The following PDE1C variants were observed in gnomAD, a reference collection of about 807,000 sequenced individuals.
PDE1C encodes the protein phosphodiesterase 1C.
Under a neutral mutation model 93.1 loss-of-function variants are expected in PDE1C, and 62 were observed. The ratio of observed to expected loss-of-function variants is 0.67; its 90% CI spans 0.54 to 0.82. The LOEUF is 0.82. Among genes scored for constraint, PDE1C ranks in the 40% least tolerant of loss-of-function variants. The pLI is 0.00. For missense variants in PDE1C, 742 were observed against 884.6 expected (o/e 0.84, Z 2.04); for synonymous variants, 325 against 310.1 (o/e 1.05, Z -0.50).
At chr7:32,289,751 T>A (rs1267316982) in intron 1 of PDE1C, among the ~76,000 whole-genome samples, 1 of 152,206 alleles carries the variant, frequency 6.6e-6, no homozygotes, top group Non-Finnish European at 1.5e-5. Flanking sequence ...AGACTATCTA[T>A]AATGCTGGTG....
chr7:32,297,959 C>A (rs4723143), intron 1 of PDE1C, among the ~76,000 whole-genome samples: 2,358 of 10,290 alleles, frequency 0.23, 50 homozygotes, highest in Non-Finnish European at 0.35. Flanking sequence ...TGTTCAATCT[C>A]TCTCTCTCTC....
rs533941168 is a variant in PDE1C at position 31,998,209 on chromosome 7, C to T, written c.128+53345G>A. Among the ~76,000 whole-genome samples the T allele has an allele frequency of 1.8e-4, 28 of 151,992 alleles. No homozygotes were observed. In the South Asian group the frequency reaches 5.0e-3, roughly 27 times the overall value. On this transcript the variant is annotated intron_variant, in intron 2 of 17. Transcript: ENST00000396191. Reference sequence around the variant, plus strand: ...TAATTTTTTGTATTTTTAGTAGAGACAGGGTTTCACCATGTTAGCCAGGAT... The same window carrying T: ...TAATTTTTTGTATTTTTAGTAGAGATAGGGTTTCACCATGTTAGCCAGGAT...
At chr7:32,305,737 G>C (rs536587149) in intron 1 of PDE1C, among the ~76,000 whole-genome samples, 1 of 152,194 alleles carries the variant, frequency 6.6e-6, no homozygotes, top group Non-Finnish European at 1.5e-5. Context: ...AACTCACTAG[G>C]GCAAGAGTCT....
intron 1 of PDE1C, 83 bp downstream of exon 1, chr7:32,070,210 G>A (rs1795866842): frequency 6.3e-7 from 1 of 1,595,184 alleles, no homozygotes; most frequent in Admixed American, 1.7e-5. Flanking sequence ...CAGGAACAGG[G>A]TGAGCAGTCG....
chr7:32,113,980 G>C (rs1798833360), intron 3 of PDE1C, among the ~76,000 whole-genome samples: 1 of 152,138 alleles, frequency 6.6e-6, no homozygotes, highest in South Asian at 2.1e-4. Flanking sequence ...AAATAAGAGA[G>C]GACACGAACA....
the PDE1C span, among the ~76,000 whole-genome samples, chr7:31,646,896 T>C: frequency 2.0e-5 from 3 of 152,240 alleles, no homozygotes; most frequent in Non-Finnish European, 4.4e-5. Flanking sequence ...GGTACTTTTA[T>C]ATCCAGTTGA....
chr7:31,861,354 T>C (rs763719650), intron 7 of PDE1C, among the ~76,000 whole-genome samples: 1 of 152,160 alleles, frequency 6.6e-6, no homozygotes, highest in Non-Finnish European at 1.5e-5. Context: ...ATTCACTCTG[T>C]CTTTAGATAA....
intron 2 of PDE1C, among the ~76,000 whole-genome samples, chr7:31,972,483 A>C (rs971086819): frequency 6.6e-6 from 1 of 152,172 alleles, no homozygotes; most frequent in African/African-American, 2.4e-5. Context: ...GTAAAATTTG[A>C]GGTAATTCTT....
At chr7:32,064,887 C>G (rs1030599497) in intron 1 of PDE1C, among the ~76,000 whole-genome samples, 26 of 152,122 alleles carry the variant, frequency 1.7e-4, no homozygotes, top group African/African-American at 6.0e-4. Flanking sequence ...CCTCTCATGA[C>G]TACACTTCTA....
chr7:32,166,008 T>C (rs572421223), intron 3 of PDE1C, among the ~76,000 whole-genome samples: 3 of 149,166 alleles, frequency 2.0e-5, no homozygotes, highest in Non-Finnish European at 4.4e-5. Context: ...ACTCTTCAAA[T>C]CCAACCTCAG....
chr7:32,132,296 C>T lies in PDE1C; in HGVS notation c.308+37489G>A, dbSNP rs995743456. Among the ~76,000 whole-genome samples, 5 of 152,114 alleles carry T rather than the reference C, an allele frequency of 3.3e-5. No homozygotes were observed. The East Asian group carries it at 7.8e-4, about 24-fold the overall frequency. The stretch of plus-strand genomic sequence containing the variant: ...CTAGGTCAAGGTGAGGAGAAAAGAC[C>T]CTTTTATAAGCAAAATGGGAAGCCA... On this transcript the variant is annotated intron_variant, in intron 3 of 18. Transcript: ENST00000396193.
At chr7:32,171,096 C>T (rs540689812) in intron 2 of PDE1C, among the ~76,000 whole-genome samples, 1 of 152,186 alleles carries the variant, frequency 6.6e-6, no homozygotes, top group South Asian at 2.1e-4. Flanking sequence ...ACCAGTGCTT[C>T]CCCAGATGGC....
rs964987801 is a variant in PDE1C at position 31,751,518 on chromosome 7, G to C, written c.*1866C>G. On this transcript the variant is annotated 3_prime_UTR_variant, in exon 18 of 18. Coordinates refer to ENST00000396191, the MANE Select transcript of PDE1C (RefSeq NM_001191057.4). ...CTCCCATGGGCCTCCTCAGTGTGTA[G>C]CCAAATGACTTTGTACAGCAAGCGC... The C allele has an allele frequency of 6.6e-6, 1 of 152,112 alleles. No homozygotes were observed. Among genetic ancestry groups the C allele is most frequent in the African/African-American group, 2.4e-5 (1 of 41,404 alleles). 9.4% of individuals were successfully genotyped at this position (152,112 alleles called of 1,614,324 possible).
chr7:31,789,483 T>G, intron 16 of PDE1C: 1 of 222,852 alleles, frequency 4.5e-6, no homozygotes, highest in Non-Finnish European at 7.5e-6. Context: ...TAGTTATCAA[T>G]GCTACCAGTG....
chr7:31,747,757 GA>G (rs771583699), downstream of PDE1C, among the ~76,000 whole-genome samples: 27 of 150,398 alleles, frequency 1.8e-4, no homozygotes, highest in Non-Finnish European at 3.2e-4. Flanking sequence ...TAAGGGTGTG[GA>G]AAATGGCCCT....
intron 2 of PDE1C, among the ~76,000 whole-genome samples, chr7:32,189,099 C>G (rs2128819336): frequency 6.6e-6 from 1 of 152,290 alleles, no homozygotes; most frequent in South Asian, 2.1e-4. Context: ...TTTAGAAATT[C>G]ATCTGGTGCA....
chr7:31,707,236 G>A, the PDE1C span: 1 of 1,614,054 alleles, frequency 6.2e-7, no homozygotes, highest in Non-Finnish European at 8.5e-7. Flanking sequence ...GAGACCCAAA[G>A]CAATCGTGGA....
rs1442508353 is a variant in PDE1C at position 32,267,586 on chromosome 7, A to ACACTCT, written c.85+31064_85+31065insAGAGTG. Among the ~76,000 whole-genome samples the ACACTCT allele has an allele frequency of 9.5e-3, 1,115 of 117,538 alleles. 6 individuals carry two copies. Among genetic ancestry groups the ACACTCT allele is most frequent in the Non-Finnish European group, 0.014 (811 of 56,228 alleles). The allele number at this position is 117,538 out of a possible 152,430, so 77.1% of individuals were successfully genotyped here. The stretch of plus-strand genomic sequence containing the variant: ...TTCTCTCTCTCTCACACACACACAC[A>ACACTCT]CTCTCTCTCTCTCTCTCTCTCTCTC... On this transcript the variant is annotated intron_variant, in intron 1 of 18. Transcript: ENST00000396193.
chr7:32,204,680 T>A (rs1584952268), intron 2 of PDE1C, among the ~76,000 whole-genome samples: 1 of 152,130 alleles, frequency 6.6e-6, no homozygotes, highest in African/African-American at 2.4e-5. Flanking sequence ...GTATTTGGAG[T>A]TTTTTCCAAT....
Sources: gnomAD v4.1 joint callset for allele counts (sites outside exome capture counted in the v4.1 genomes callset) on GRCh38, gnomAD v4.1.1 for gene constraint, MANE v1.5 for transcripts, NCBI Gene and HGNC (gene_info 2026-07-23, HGNC 2026-07-21) for gene names.